SH2D4A: variants seen among roughly 807,000 people sequenced by gnomAD.
SH2D4A encodes the protein SH2 domain-containing protein 4A.
SH2D4A carries 70 observed loss-of-function variants against 64.7 expected under a neutral mutation model. The observed-to-expected ratio is 1.08, with a 90% confidence interval of 0.89 to 1.32. SH2D4A has a LOEUF of 1.32. Ranked by LOEUF, SH2D4A falls within the 40% of genes most tolerant of loss-of-function variation. The probability of loss-of-function intolerance (pLI) is 0.00; values close to 1 mark genes in which losing one functional copy is unlikely to be tolerated. For missense variants in SH2D4A, 706 were observed against 540.1 expected, an observed-to-expected ratio of 1.31 and a Z score of -3.04; for synonymous variants, 268 against 200.7, an observed-to-expected ratio of 1.34 and a Z score of -2.83.
Position 19,361,199 on chromosome 8 carries a change from A to G in SH2D4A, c.595-4A>G. On this transcript the variant is annotated splice_polypyrimidine_tract_variant and splice_region_variant and intron_variant, in intron 5 of 9. Transcript: ENST00000265807. ...TTGTTTTTTTTTGTTTTGTTTTTAA[A>G]CAGAAGAAAGAATCTATGAAGAAAA... 6.8e-7 allele frequency: 1 copy of G among 1,472,734 alleles called. No individual in the cohort carries two copies. Among genetic ancestry groups the G allele is most frequent in the Non-Finnish European group, 9.3e-7 (1 of 1,072,846 alleles). The allele number at this position is 1,472,734 out of a possible 1,614,324, so 91.2% of individuals were successfully genotyped here.
In SH2D4A at chr8:19,361,323, C is replaced by G. The variant is rs1563201325; in HGVS notation, c.706+9C>G. 1.3e-6 allele frequency: 2 copies of G among 1,599,106 alleles called. No homozygotes were observed. Among genetic ancestry groups the G allele is most frequent in the Non-Finnish European group, 1.7e-6 (2 of 1,175,904 alleles). ...GGAATGGCAGGCATCTCGTGAGTAC[C>G]CAGAGGTCTCCATAGCACCTTCCAG... is the stretch of plus-strand genomic sequence containing the variant. On this transcript the variant is annotated intron_variant, in intron 6 of 9. Coordinates refer to ENST00000265807, the MANE Select transcript of SH2D4A (RefSeq NM_022071.4).
chr8:19,332,246 G>T (rs7845057), intron 2 of SH2D4A, among the ~76,000 whole-genome samples: 30,494 of 152,154 alleles, frequency 0.2, 3,509 homozygotes, highest in African/African-American at 0.31. Context: ...ATAGTTAGAT[G>T]TAAGAATTTA....
At chr8:19,388,048 C>T (rs935775057) in intron 8 of SH2D4A, among the ~76,000 whole-genome samples, 6 of 152,150 alleles carry the variant, frequency 3.9e-5, no homozygotes, top group African/African-American at 9.7e-5. Flanking sequence ...ACTACACATA[C>T]GTAACCAATC....
chr8:19,387,326 ATAGTTTTTGTTGTT>A, intron 8 of SH2D4A, among the ~76,000 whole-genome samples: 1 of 110,108 alleles, frequency 9.1e-6, no homozygotes, highest in African/African-American at 3.8e-5. Flanking sequence ...CACCCAGCTA[ATAGTTTTTGTTGTT>A]CTTTGTAGAG....
At chr8:19,358,802 G>A (rs1015617352) in intron 5 of SH2D4A, among the ~76,000 whole-genome samples, 3 of 152,166 alleles carry the variant, frequency 2.0e-5, no homozygotes, top group African/African-American at 4.8e-5. Flanking sequence ...CTTTCTGAAC[G>A]GGCCCAGCGG....
At chr8:19,355,323 A>C (rs1356100868) in intron 4 of SH2D4A, among the ~76,000 whole-genome samples, 1 of 152,176 alleles carries the variant, frequency 6.6e-6, no homozygotes, top group Admixed American at 6.6e-5. Context: ...TTTAAAAGTC[A>C]TCTTGGACTT....
intron 4 of SH2D4A, among the ~76,000 whole-genome samples, chr8:19,352,414 T>G (rs1356541031): frequency 6.6e-6 from 1 of 152,268 alleles, no homozygotes; most frequent in Non-Finnish European, 1.5e-5. Context: ...CTGCAGGAAG[T>G]CCACTAGCTT....
At chr8:19,361,786 A>C (rs931841297) in intron 6 of SH2D4A, among the ~76,000 whole-genome samples, 1 of 152,044 alleles carries the variant, frequency 6.6e-6, no homozygotes, top group Admixed American at 6.5e-5. Flanking sequence ...TTTTTCTTGT[A>C]ATTTAATATT....
At chr8:19,385,136 AT>A (rs2053362691) in intron 8 of SH2D4A, among the ~76,000 whole-genome samples, 1 of 151,552 alleles carries the variant, frequency 6.6e-6, no homozygotes, top group Non-Finnish European at 1.5e-5. Flanking sequence ...AGTATTTTAT[AT>A]TTTAATCTAC....
intron 8 of SH2D4A, among the ~76,000 whole-genome samples, chr8:19,378,161 A>G (rs1369761382): frequency 1.3e-5 from 2 of 152,154 alleles, no homozygotes; most frequent in Admixed American, 6.5e-5. Context: ...AGGATTTTAC[A>G]TATTCTGGAG....
intron 7 of SH2D4A, among the ~76,000 whole-genome samples, chr8:19,368,555 C>CAT (rs1231934879): frequency 6.7e-6 from 1 of 149,244 alleles, no homozygotes; most frequent in Non-Finnish European, 1.5e-5. Flanking sequence ...GACATTTCAC[C>CAT]TCCTTGGTTA....
At chr8:19,343,480 A>T (rs1439105861) in intron 4 of SH2D4A, among the ~76,000 whole-genome samples, 5 of 151,986 alleles carry the variant, frequency 3.3e-5, no homozygotes, top group Admixed American at 3.3e-4. Context: ...TGTTTATCTC[A>T]TGGGTTTTTG....
intron 8 of SH2D4A, among the ~76,000 whole-genome samples, chr8:19,390,984 C>G (rs2053483385): frequency 6.6e-6 from 1 of 152,192 alleles, no homozygotes; most frequent in African/African-American, 2.4e-5. Context: ...CCTGCCCCAT[C>G]TGTTGAAACA....
chr8:19,347,686 C>A (rs1312168362), intron 4 of SH2D4A, among the ~76,000 whole-genome samples: 1 of 152,138 alleles, frequency 6.6e-6, no homozygotes, highest in South Asian at 2.1e-4. Flanking sequence ...ACAGAAATGG[C>A]CTTCAGAGTG....
chr8:19,392,076 T>C (rs562286475), intron 8 of SH2D4A, among the ~76,000 whole-genome samples: 71 of 152,272 alleles, frequency 4.7e-4, no homozygotes, highest in African/African-American at 1.6e-3. Context: ...TATTCATTGA[T>C]GGATTATGAT....
chr8:19,318,973 T>A (rs1016837262), intron 1 of SH2D4A, among the ~76,000 whole-genome samples: 2 of 152,178 alleles, frequency 1.3e-5, no homozygotes, highest in African/African-American at 2.4e-5. Flanking sequence ...TTTTAATTTC[T>A]TCCTGTGACT....
chr8:19,376,477 C>G (rs1488534311), intron 8 of SH2D4A, among the ~76,000 whole-genome samples: 1 of 152,090 alleles, frequency 6.6e-6, no homozygotes, highest in Non-Finnish European at 1.5e-5. Context: ...CAAAAACTAG[C>G]TGGACATGGT....
chr8:19,381,275 C>T (rs1438961923), intron 8 of SH2D4A, among the ~76,000 whole-genome samples: 1 of 152,168 alleles, frequency 6.6e-6, no homozygotes, highest in African/African-American at 2.4e-5. Flanking sequence ...GTCTTGAACT[C>T]CTGACCTCAA....
chr8:19,381,665 T>A (rs540453170), intron 8 of SH2D4A, among the ~76,000 whole-genome samples: 3 of 152,222 alleles, frequency 2.0e-5, no homozygotes, highest in African/African-American at 7.2e-5. Flanking sequence ...CTAACAGCTA[T>A]AGCTAGAACT....
Sources: gnomAD v4.1 joint callset for allele counts (sites outside exome capture counted in the v4.1 genomes callset) on GRCh38, gnomAD v4.1.1 for gene constraint, MANE v1.5 for transcripts, NCBI Gene and HGNC (gene_info 2026-07-23, HGNC 2026-07-21) for gene names.